The following EXOC6 variants were observed in gnomAD, a reference collection of about 807,000 sequenced individuals.
EXOC6 encodes the protein SEC15-like 1.
A neutral mutation model predicts 112.5 loss-of-function variants in EXOC6; 60 were observed. The ratio of observed to expected loss-of-function variants is 0.53; its 90% CI spans 0.43 to 0.66. EXOC6 has a LOEUF of 0.66. Ranked by LOEUF, EXOC6 falls within the 30% of genes least tolerant of loss-of-function variation. The probability of loss-of-function intolerance (pLI) is 0.00; values close to 1 mark genes in which losing one functional copy is unlikely to be tolerated. For synonymous variants in EXOC6, 295 were observed against 308.0 expected, an observed-to-expected ratio of 0.96 and a Z score of 0.44; for missense variants, 855 against 957.1, an observed-to-expected ratio of 0.89 and a Z score of 1.41.
At position 92,848,526 on chromosome 10, in the gene EXOC6, C is replaced by A. The variant is rs200138547; in HGVS notation, c.-8C>A. ...CGCGCCTCGCTGGCTCCTCAGCTTC[C>A]AGCCAAAATGGCGGAGAACAGCGAG... is the stretch of plus-strand genomic sequence containing the variant. On this transcript the variant is annotated 5_prime_UTR_variant, in exon 1 of 22. Coordinates refer to ENST00000260762, the MANE Select transcript of EXOC6 (RefSeq NM_019053.6). 5,973 of 1,383,068 alleles carry A rather than the reference C, an allele frequency of 4.3e-3. 19 individuals are homozygous for A. The highest frequency in any genetic ancestry group is 5.4e-3 in the Non-Finnish European group (5,640 of 1,045,932). 85.7% of individuals were successfully genotyped at this position (1,383,068 alleles called of 1,614,324 possible). A position where few individuals can be genotyped will look rare whatever the true frequency, so the allele number is the denominator to read the frequency against.
At position 92,928,412 on chromosome 10, in the gene EXOC6, A is replaced by G. The variant is rs1219354938; in HGVS notation, c.962A>G (p.Gln321Arg). ...CAAGCAAGACTGGTATTGCAACCCC[A>G]GTCGAATATGGTAAGTATGCGATAT... ...KKQARLVLQP[Q>R]SNMHETVDGY... The change falls in exon 9 of 22, where the codon CAG (glutamine) becomes CGG (arginine). Residue 321 changes from glutamine (Q) to arginine (R), a missense_variant. By Grantham distance (43) the Gln-to-Arg change is conservative. Coordinates refer to ENST00000260762, the MANE Select transcript of EXOC6 (RefSeq NM_019053.6). The G allele has an allele frequency of 1.9e-6, 3 of 1,601,606 alleles. No individual in the cohort carries two copies. The African/African-American group carries it at 4.0e-5, about 21-fold the overall frequency.
intron 20 of EXOC6, among the ~76,000 whole-genome samples, chr10:93,048,494 G>A (rs974186900): frequency 4.0e-5 from 6 of 151,856 alleles, no homozygotes; most frequent in Non-Finnish European, 7.4e-5. Context: ...GCTAAATGAC[G>A]AGTTAATGGG....
chr10:92,976,534 C>G (rs1412337457), intron 18 of EXOC6, among the ~76,000 whole-genome samples: 1 of 151,434 alleles, frequency 6.6e-6, no homozygotes, highest in Non-Finnish European at 1.5e-5. Context: ...TGCGGAAGGC[C>G]GCAGGGTCCT....
intron 20 of EXOC6, among the ~76,000 whole-genome samples, chr10:93,049,238 T>C (rs1445657251): frequency 6.6e-6 from 1 of 152,052 alleles, no homozygotes; most frequent in Non-Finnish European, 1.5e-5. Context: ...TTTATATATT[T>C]TTTTAGTAGA....
chr10:92,882,675 A>G (rs1277546843), intron 1 of EXOC6, among the ~76,000 whole-genome samples: 1 of 152,182 alleles, frequency 6.6e-6, no homozygotes, highest in Non-Finnish European at 1.5e-5. Flanking sequence ...ACTATCTTTA[A>G]ATAATATTTT....
chr10:92,988,248 C>T (rs866422315), intron 18 of EXOC6, among the ~76,000 whole-genome samples: 1 of 152,090 alleles, frequency 6.6e-6, no homozygotes. Flanking sequence ...ACGGCTTTAT[C>T]GTATTTTGCT....
chr10:92,988,640 A>C (rs959596562), intron 18 of EXOC6, among the ~76,000 whole-genome samples: 4 of 152,188 alleles, frequency 2.6e-5, no homozygotes, highest in Non-Finnish European at 5.9e-5. Context: ...GCTAGCAAAA[A>C]GAAAATTATC....
chr10:92,966,393 C>T (rs1466941778), intron 17 of EXOC6, among the ~76,000 whole-genome samples: 4 of 145,518 alleles, frequency 2.7e-5, no homozygotes, highest in Admixed American at 6.9e-5. Context: ...CCCATTAACT[C>T]GTCATTTAGC....
At chr10:92,974,789 A>T (rs941298567) in intron 18 of EXOC6, among the ~76,000 whole-genome samples, 2 of 152,042 alleles carry the variant, frequency 1.3e-5, no homozygotes, top group Admixed American at 6.5e-5. Context: ...GCTGGTCTCC[A>T]GCTCCTAACC....
At position 92,859,073 on chromosome 10, in the gene EXOC6, G is replaced by A. The variant is rs192466946; in HGVS notation, c.101+10439G>A. ...AGCCACAGCGCCTGGCCACTGTTGC[G>A]TGTTTTTCTGTTTATTGGTCTCAGT... On this transcript the variant is annotated intron_variant, in intron 1 of 21. Transcript: ENST00000260762. Among the ~76,000 whole-genome samples the A allele has an allele frequency of 1.0e-3, 156 of 152,188 alleles. 1 individual carries two copies. The highest frequency in any genetic ancestry group is 1.8e-3 in the Non-Finnish European group (121 of 67,996).
intron 17 of EXOC6, among the ~76,000 whole-genome samples, chr10:92,973,571 C>G (rs891547413): frequency 1.3e-5 from 2 of 152,224 alleles, no homozygotes; most frequent in Non-Finnish European, 2.9e-5. Flanking sequence ...TTTCTTTCTT[C>G]TCAGAGAAAT....
At chr10:92,938,471 C>G (rs1335239535) in intron 12 of EXOC6, among the ~76,000 whole-genome samples, 3 of 152,152 alleles carry the variant, frequency 2.0e-5, no homozygotes, top group African/African-American at 7.2e-5. Context: ...TTACATAATA[C>G]TTAGTTTTTT....
intron 20 of EXOC6, among the ~76,000 whole-genome samples, chr10:93,022,837 A>G (rs1844847188): frequency 6.6e-6 from 1 of 152,122 alleles, no homozygotes; most frequent in Admixed American, 6.6e-5. Context: ...AGGATGCTTT[A>G]AAGTTTCAAT....
intron 1 of EXOC6, among the ~76,000 whole-genome samples, chr10:92,858,249 T>A (rs1847722883): frequency 6.6e-6 from 1 of 152,178 alleles, no homozygotes; most frequent in Non-Finnish European, 1.5e-5. Context: ...TCTTCTTAGA[T>A]ATGTAGGTTA....
At chr10:92,972,735 A>C (rs990082887) in intron 17 of EXOC6, among the ~76,000 whole-genome samples, 3 of 152,094 alleles carry the variant, frequency 2.0e-5, no homozygotes, top group Non-Finnish European at 2.9e-5. Flanking sequence ...CAGCTATTTC[A>C]ACAGTTTCCT....
At chr10:92,898,540 A>G (rs1849961409) in intron 4 of EXOC6, among the ~76,000 whole-genome samples, 1 of 152,166 alleles carries the variant, frequency 6.6e-6, no homozygotes, top group Non-Finnish European at 1.5e-5. Context: ...CATGAGGTAG[A>G]TATGAAATTT....
chr10:92,882,795 T>G (rs1849031077), intron 1 of EXOC6, among the ~76,000 whole-genome samples: 1 of 152,172 alleles, frequency 6.6e-6, no homozygotes, highest in African/African-American at 2.4e-5. Flanking sequence ...GACTCTAACT[T>G]CAGGGTTTCA....
exon 1 of EXOC6, chr10:92,834,715 G>T: frequency 6.3e-7 from 1 of 1,587,186 alleles, no homozygotes; most frequent in Non-Finnish European, 8.6e-7. Flanking sequence ...ATCTGCAGCT[G>T]GAAAATTAGG....
At chr10:92,882,812 T>C (rs1170354888) in intron 1 of EXOC6, among the ~76,000 whole-genome samples, 1 of 152,144 alleles carries the variant, frequency 6.6e-6, no homozygotes, top group Non-Finnish European at 1.5e-5. Flanking sequence ...TTCAAGTGGG[T>C]TATAAATTGA....
Sources: gnomAD v4.1 joint callset for allele counts (sites outside exome capture counted in the v4.1 genomes callset) on GRCh38, gnomAD v4.1.1 for gene constraint, MANE v1.5 for transcripts, NCBI Gene and HGNC (gene_info 2026-07-23, HGNC 2026-07-21) for gene names.